The following CTU2 variants were observed in gnomAD, a reference collection of about 807,000 sequenced individuals.
The protein encoded by CTU2 is cytoplasmic tRNA 2-thiolation protein 2.
In CTU2, 80 loss-of-function variants were observed where a neutral mutation model predicts 64.1. The observed-to-expected ratio is 1.25, with a 90% CI of 1.04 to 1.50. The LOEUF (loss-of-function observed/expected upper bound fraction) is 1.50. CTU2 is among the 40% of genes most tolerant of loss of function. The pLI, the probability that CTU2 is intolerant of heterozygous loss-of-function variation, is 0.00. For synonymous variants in CTU2, 482 were observed against 285.3 expected (o/e 1.69, Z -6.95); for missense variants, 1,110 against 690.2 (o/e 1.61, Z -6.81).
chr16:88,708,267 G>C (rs1469298927), intron 2 of CTU2, among the ~76,000 whole-genome samples: 3 of 152,240 alleles, frequency 2.0e-5, no homozygotes, highest in Non-Finnish European at 4.4e-5. Context: ...CCAAGGAACA[G>C]TGGGGAGCCG....
Position 88,713,707 on chromosome 16 carries a change from C to G in CTU2, c.934C>G (p.Leu312Val). ...GGTGCGGCCCATGCGGGACCACACC[C>G]TGAAGGAGGTCGCTTTCTACAACCG... ...VVVRPMRDHT[L>V]KEVAFYNRLF... Residue 312 changes from leucine (L) to valine (V), a missense_variant, in exon 9 of 15, where the codon CTG becomes GTG. Transcript: ENST00000453996. The G allele has an allele frequency of 1.9e-6, 3 of 1,612,682 alleles. No homozygotes were observed. The highest frequency in any genetic ancestry group is 2.5e-6 in the Non-Finnish European group (3 of 1,179,896).
At chr16:88,712,082 C>G (rs999639939) in intron 5 of CTU2, 192 bp from the exon 6 acceptor site, 1 of 707,076 alleles carries the variant, frequency 1.4e-6, no homozygotes, top group African/African-American at 1.7e-5. Context: ...GGGGTGTTGA[C>G]TGTAGCGCTG....
rs145888651 is a variant in CTU2 at position 88,713,382 on chromosome 16, C to G, written c.808C>G (p.Arg270Gly). 6 of 1,604,662 alleles carry G rather than the reference C, an allele frequency of 3.7e-6. No homozygotes were observed. Among genetic ancestry groups the G allele is most frequent in the Non-Finnish European group, 4.2e-6 (5 of 1,177,168 alleles). ...GGTCATGACTGGGGACAGCTGCACA[C>G]GCTTGGCTATCAAGCTCATGACCAA... ...SKVMTGDSCT[R>G]LAIKLMTNLA... The change falls in exon 8 of 15, where the codon CGC becomes GGC. Residue 270 changes from arginine (R) to glycine (G), a missense_variant. Coordinates refer to ENST00000453996, the MANE Select transcript of CTU2 (RefSeq NM_001012759.3).
chr16:88,714,981 A>C (rs1049315518), intron 13 of CTU2, 55 bp downstream of exon 13: 2 of 1,599,368 alleles, frequency 1.3e-6, no homozygotes, highest in Admixed American at 3.4e-5. Context: ...GAAGGCCGTC[A>C]CCTCGTGGGT....
Position 88,706,525 on chromosome 16 carries a change from G to A in CTU2, c.-6G>A, listed in dbSNP as rs1910836936. 6.9e-7 allele frequency: 1 copy of A among 1,442,330 alleles called. No individual in the cohort carries two copies. Among genetic ancestry groups the A allele is most frequent in the East Asian group, 3.0e-5 (1 of 33,010 alleles). 89.3% of individuals were successfully genotyped at this position (1,442,330 alleles called of 1,614,324 possible). ...GCCACAGTCTGCGACGGGACCCGGCGTGCCCATGTGTCAGGTGGGCGAGGA... is the reference window on the plus strand; with the variant it reads ...GCCACAGTCTGCGACGGGACCCGGCATGCCCATGTGTCAGGTGGGCGAGGA... On this transcript the variant is annotated 5_prime_UTR_variant, in exon 1 of 15. The change creates a new upstream start codon in the 5' untranslated region. Transcript: ENST00000453996.
At chr16:88,710,502 G>C (rs1911231680) in intron 4 of CTU2, 2 of 564,984 alleles carry the variant, frequency 3.5e-6, no homozygotes, top group East Asian at 5.8e-5. Context: ...TGTGTTTACA[G>C]CAGGTGCACA....
At chr16:88,710,597 A>G (rs1437713352) in intron 4 of CTU2, 2 of 391,402 alleles carry the variant, frequency 5.1e-6, no homozygotes, top group East Asian at 5.0e-5. Context: ...AGCTGGGTCC[A>G]CAGTGCGTGT....
At position 88,715,385 on chromosome 16, in the gene CTU2, A is replaced by C; in HGVS notation, c.*134A>C. The stretch of plus-strand genomic sequence containing the variant: ...TAAAACATTTTTTAATTAAAAAAAA[A>C]ACTCTACAGTACACGTGGGGGACGG... On this transcript the variant is annotated 3_prime_UTR_variant, in exon 15 of 15. Transcript: ENST00000453996. 1 of 1,093,564 alleles carries C rather than the reference A, an allele frequency of 9.1e-7. No homozygotes were observed. 67.7% of individuals were successfully genotyped at this position (1,093,564 alleles called of 1,614,324 possible). A position where few individuals can be genotyped will look rare whatever the true frequency, so the allele number is the denominator to read the frequency against.
intron 2 of CTU2, among the ~76,000 whole-genome samples, chr16:88,708,460 C>T (rs1368806041): frequency 6.6e-6 from 1 of 152,108 alleles, no homozygotes; most frequent in Non-Finnish European, 1.5e-5. Context: ...TGGTGTAGGG[C>T]GCAGAGGCTC....
At chr16:88,711,578 G>C (rs1257234752) in intron 4 of CTU2, 57 bp from the exon 5 acceptor site, 1 of 1,499,316 alleles carries the variant, frequency 6.7e-7, no homozygotes, top group Non-Finnish European at 9.1e-7. Flanking sequence ...TTCTGAGCTG[G>C]AAAAGTGTCC....
At chr16:88,708,373 C>A (rs565952023) in intron 2 of CTU2, among the ~76,000 whole-genome samples, 1 of 152,200 alleles carries the variant, frequency 6.6e-6, no homozygotes, top group Non-Finnish European at 1.5e-5. Flanking sequence ...CTTCCCTGAC[C>A]CACAGGGGAC....
At chr16:88,710,698 C>T (rs1184487175) in intron 4 of CTU2, 2 of 183,024 alleles carry the variant, frequency 1.1e-5, no homozygotes, top group Non-Finnish European at 2.3e-5. Context: ...GACTTCTGTC[C>T]ATTTGCTCAA....
At chr16:88,714,251 CG>C (rs770961865) in intron 10 of CTU2, 24 bp downstream of exon 10, 26 of 1,598,988 alleles carry the variant, frequency 1.6e-5, no homozygotes, top group Middle Eastern at 1.7e-4. Flanking sequence ...TGGGTGTGTG[CG>C]GGGGGTGCGC....
At chr16:88,709,206 G>C (rs11640071) in intron 2 of CTU2, 114,426 of 152,276 alleles carry the variant, frequency 0.75, 43,258 homozygotes, top group East Asian at 0.83. Context: ...CACATGAATC[G>C]AGGAGTTTGA....
rs779980669 is a variant in CTU2, at chr16:88,715,213, CTGAT to C, written c.1514_1517del (p.Ile505ArgfsTer41). The C allele has an allele frequency of 2.5e-6, 4 of 1,612,354 alleles. No homozygotes were observed. The highest frequency in any genetic ancestry group is 1.7e-5 in the Admixed American group (1 of 60,006). On this transcript the variant is annotated frameshift_variant, in exon 15 of 15. Coordinates refer to ENST00000453996, the MANE Select transcript of CTU2 (RefSeq NM_001012759.3). LOFTEE classifies it low-confidence loss of function (END_TRUNC). Reference sequence around the variant, plus strand: ...GGGCTTGCAGGAGATCCGGGACTGTCTGATTGAGGACAGTGACGACGAGGCGGGC... The same window carrying C: ...GGGCTTGCAGGAGATCCGGGACTGTCTGAGGACAGTGACGACGAGGCGGGC...
At position 88,713,891 on chromosome 16, in the gene CTU2, T is replaced by C. The variant is rs1295013754; in HGVS notation, c.1005+113T>C. The C allele has an allele frequency of 2.1e-6, 3 of 1,434,632 alleles. No homozygotes were observed. In the South Asian group the frequency reaches 3.8e-5, roughly 18 times the overall value. The allele number at this position is 1,434,632 out of a possible 1,614,324, so 88.9% of individuals were successfully genotyped here. On this transcript the variant is annotated intron_variant, in intron 9 of 14. Transcript: ENST00000453996. The stretch of plus-strand genomic sequence containing the variant: ...CCAGCACACCTTCAGTGACTCCTGC[T>C]GTGGCCCCCAGCAGTGCTGCATCCT...
chr16:88,713,724 C>A lies in CTU2; in HGVS notation c.951C>A (p.Phe317Leu). 1 of 1,612,698 alleles carries A rather than the reference C, an allele frequency of 6.2e-7. No homozygotes were observed. The highest frequency in any genetic ancestry group is 8.5e-7 in the Non-Finnish European group (1 of 1,179,892). ...MRDHTLKEVAFYNRLFSVPSV... is the reference protein window; with the variant it reads ...MRDHTLKEVALYNRLFSVPSV... ...ACCACACCCTGAAGGAGGTCGCTTT[C>A]TACAACCGCCTGTTCTCCGTTCCTT... The change falls in exon 9 of 15, where the codon TTC (phenylalanine) becomes TTA (leucine). Residue 317 changes from phenylalanine (F) to leucine (L), a missense_variant. Transcript: ENST00000453996.
chr16:88,715,325 C>A lies in CTU2; in HGVS notation c.*74C>A. 5 of 1,469,900 alleles carry A rather than the reference C, an allele frequency of 3.4e-6. No individual in the cohort carries two copies. The highest frequency in any genetic ancestry group is 3.7e-6 in the Non-Finnish European group (4 of 1,075,802). 91.1% of individuals were successfully genotyped at this position (1,469,900 alleles called of 1,614,324 possible). ...CCACACTGGAGCCGGAAGGCAAGGACGGGGGACTGGCCTCTGATTGTCCAT... is the reference window on the plus strand; with the variant it reads ...CCACACTGGAGCCGGAAGGCAAGGAAGGGGGACTGGCCTCTGATTGTCCAT... On this transcript the variant is annotated 3_prime_UTR_variant, in exon 15 of 15. Coordinates refer to ENST00000453996, the MANE Select transcript of CTU2 (RefSeq NM_001012759.3).
chr16:88,711,677 G>C lies in CTU2; in HGVS notation c.325G>C (p.Gly109Arg). The C allele has an allele frequency of 6.2e-7, 1 of 1,608,710 alleles. No homozygotes were observed. Among genetic ancestry groups the C allele is most frequent in the Non-Finnish European group, 8.5e-7 (1 of 1,176,726 alleles). Residue 109 changes from glycine to arginine, a missense_variant, in exon 5 of 15, where the codon GGA (glycine) becomes CGA (arginine). Physicochemically the swap from Gly to Arg is moderately radical, Grantham distance 125. Transcript: ENST00000453996. The part of the protein sequence containing the change: ...DSAKRLRFVA[G>R]VIFVDEGAAC... ...TGCCAAAAGACTGCGCTTTGTGGCA[G>C]GAGTCATCTTTGTTGACGGTATGTG...
Sources: allele counts gnomAD v4.1 joint callset (sites outside exome capture counted in the v4.1 genomes callset), GRCh38; gene constraint gnomAD v4.1.1; transcripts MANE v1.5; gene names NCBI Gene and HGNC (gene_info 2026-07-23, HGNC 2026-07-21).